The following WDR70 variants were observed in gnomAD, a reference collection of about 807,000 sequenced individuals.
WDR70 encodes the protein WD repeat domain 70.
WDR70 carries 53 observed loss-of-function variants against 88.6 expected under a neutral mutation model. The ratio of observed to expected loss-of-function variants is 0.60; its 90% CI spans 0.48 to 0.75. The LOEUF (loss-of-function observed/expected upper bound fraction) is 0.75, where lower values mean the gene tolerates loss of function less well. Ranked by LOEUF, WDR70 falls within the 30% of genes least tolerant of loss-of-function variation. The pLI is 0.00. For synonymous variants in WDR70, 280 were observed against 270.0 expected (o/e 1.04, Z -0.36); for missense variants, 610 against 823.2 (o/e 0.74, Z 3.17).
At chr5:37,421,735 G>A (rs34698918) in intron 5 of WDR70, among the ~76,000 whole-genome samples, 6,060 of 152,126 alleles carry the variant, frequency 0.04, 159 homozygotes, top group Non-Finnish European at 0.063. Flanking sequence ...GAAGGCTAAG[G>A]ATTTGAGGCT....
At chr5:37,722,133 G>T (rs1450460909) in intron 14 of WDR70, 2 of 152,088 alleles carry the variant, frequency 1.3e-5, no homozygotes, top group African/African-American at 4.8e-5. Context: ...AAAACAAATA[G>T]GATTTTATTT....
In WDR70 at chr5:37,385,970, AT is replaced by A. The variant is rs35515826; in HGVS notation, c.175+4301del. Reference sequence around the variant, plus strand: ...AGGTACCGGACACCATGCCTGGCTAATTTTTTTTTTTTTTTTGTATTTTTAG... The same window carrying A: ...AGGTACCGGACACCATGCCTGGCTAATTTTTTTTTTTTTTTGTATTTTTAG... On this transcript the variant is annotated intron_variant, in intron 3 of 17. Transcript: ENST00000265107. 5.0e-3 allele frequency among the ~76,000 whole-genome samples: 697 copies of A among 139,472 alleles called. 1 individual carries two copies. The highest frequency in any genetic ancestry group is 8.9e-3 in the Admixed American group (123 of 13,842). 91.5% of individuals were successfully genotyped at this position (139,472 alleles called of 152,430 possible).
intron 8 of WDR70, among the ~76,000 whole-genome samples, chr5:37,510,623 A>G (rs75103046): frequency 0.026 from 3,937 of 152,250 alleles, 67 homozygotes; most frequent in Non-Finnish European, 0.04. Context: ...TAACATTGAT[A>G]ACGTATTATT....
chr5:37,702,920 T>A, intron 12 of WDR70, 29 bp from the exon 13 acceptor site: 1 of 1,592,540 alleles, frequency 6.3e-7, no homozygotes, highest in Non-Finnish European at 8.6e-7. Context: ...GGTCATAAGC[T>A]TATACTCGTA....
At chr5:37,559,197 A>T (rs929593993) in intron 9 of WDR70, among the ~76,000 whole-genome samples, 1 of 152,032 alleles carries the variant, frequency 6.6e-6, no homozygotes, top group African/African-American at 2.4e-5. Flanking sequence ...CTCCCTAAGT[A>T]CTGGGATTAC....
chr5:37,575,235 C>G (rs1005057306), intron 9 of WDR70, among the ~76,000 whole-genome samples: 1 of 152,234 alleles, frequency 6.6e-6, no homozygotes, highest in Non-Finnish European at 1.5e-5. Flanking sequence ...TAAAAAAATA[C>G]GTATTTGGTC....
chr5:37,699,980 A>AC (rs796100001), intron 11 of WDR70, among the ~76,000 whole-genome samples: 7 of 152,078 alleles, frequency 4.6e-5, no homozygotes, highest in African/African-American at 1.7e-4. Flanking sequence ...AAAAACAAAA[A>AC]AAAAAACAGA....
chr5:37,440,802 C>G (rs1750631498), intron 6 of WDR70, among the ~76,000 whole-genome samples: 1 of 152,194 alleles, frequency 6.6e-6, no homozygotes, highest in Non-Finnish European at 1.5e-5. Flanking sequence ...TGTCATCTTT[C>G]TTCTTAGGAG....
intron 13 of WDR70, among the ~76,000 whole-genome samples, chr5:37,713,221 C>T (rs1200289015): frequency 1.3e-5 from 2 of 152,138 alleles, no homozygotes; most frequent in Non-Finnish European, 2.9e-5. Context: ...TCACGTGCTG[C>T]CTTAGACTTC....
At chr5:37,518,481 C>T (rs1013920678) in intron 9 of WDR70, among the ~76,000 whole-genome samples, 6 of 152,064 alleles carry the variant, frequency 3.9e-5, no homozygotes, top group African/African-American at 1.4e-4. Context: ...TGGCTTATTT[C>T]ATTTAATGTA....
chr5:37,491,770 C>G (rs190665468), intron 8 of WDR70, among the ~76,000 whole-genome samples: 3 of 152,072 alleles, frequency 2.0e-5, no homozygotes, highest in Admixed American at 2.0e-4. Flanking sequence ...ATTAAAATAA[C>G]TGTTCTGGGT....
intron 5 of WDR70, among the ~76,000 whole-genome samples, chr5:37,415,306 C>T (rs1316949089): frequency 6.6e-6 from 1 of 151,486 alleles, no homozygotes; most frequent in Non-Finnish European, 1.5e-5. Context: ...GTACACCTCC[C>T]AGACGGGGTG....
At chr5:37,523,272 T>C (rs891574040) in intron 9 of WDR70, among the ~76,000 whole-genome samples, 27 of 152,248 alleles carry the variant, frequency 1.8e-4, no homozygotes, top group African/African-American at 6.3e-4. Context: ...GGTACCGCTC[T>C]GAGACGAAGC....
chr5:37,658,999 A>T (rs551966918), intron 10 of WDR70, among the ~76,000 whole-genome samples: 12 of 152,332 alleles, frequency 7.9e-5, no homozygotes, highest in Admixed American at 5.2e-4. Flanking sequence ...CCTGATCTCC[A>T]TACTAGAAGG....
In WDR70 at chr5:37,752,782, A is replaced by G. The variant is rs1748852541; in HGVS notation, c.*209A>G. The G allele has an allele frequency of 4.3e-6, 2 of 468,776 alleles. No homozygotes were observed. Among genetic ancestry groups the G allele is most frequent in the East Asian group, 3.8e-5 (1 of 25,992 alleles). The allele number at this position is 468,776 out of a possible 1,614,324, so 29.0% of individuals were successfully genotyped here. On this transcript the variant is annotated 3_prime_UTR_variant, in exon 18 of 18. Coordinates refer to ENST00000265107, the MANE Select transcript of WDR70 (RefSeq NM_018034.4). Reference sequence around the variant, plus strand: ...CAACTATTAAACTGATTACAGATAAACAAGAAACAGATTCTTAGTCTATTA... The same window carrying G: ...CAACTATTAAACTGATTACAGATAAGCAAGAAACAGATTCTTAGTCTATTA...
At chr5:37,581,252 C>T (rs1243762199) in intron 9 of WDR70, among the ~76,000 whole-genome samples, 2 of 138,818 alleles carry the variant, frequency 1.4e-5, no homozygotes, top group Non-Finnish European at 3.0e-5. Context: ...ATATAGGGAA[C>T]ACTGGTGAAT....
intron 10 of WDR70, among the ~76,000 whole-genome samples, chr5:37,690,200 T>C (rs1196183455): frequency 6.6e-5 from 10 of 151,986 alleles, no homozygotes; most frequent in Admixed American, 1.3e-4. Flanking sequence ...CTCCAAGAAA[T>C]ATGGGACTAT....
intron 6 of WDR70, among the ~76,000 whole-genome samples, chr5:37,441,617 A>G (rs1302755292): frequency 1.3e-5 from 2 of 152,152 alleles, no homozygotes; most frequent in African/African-American, 4.8e-5. Context: ...CAGGAGTTTG[A>G]GACCAGCCTG....
chr5:37,732,744 C>T (rs1333057649), intron 17 of WDR70, among the ~76,000 whole-genome samples: 4 of 152,020 alleles, frequency 2.6e-5, no homozygotes, highest in African/African-American at 7.2e-5. Context: ...AGGAGGTTAA[C>T]CCCTTGTATA....
Sources: allele counts gnomAD v4.1 joint callset (sites outside exome capture counted in the v4.1 genomes callset), GRCh38; gene constraint gnomAD v4.1.1; transcripts MANE v1.5; gene names NCBI Gene and HGNC (gene_info 2026-07-23, HGNC 2026-07-21).